The following RIMS1 variants were observed in gnomAD, a reference collection of about 807,000 sequenced individuals.
RIMS1 encodes the protein regulating synaptic membrane exocytosis 1.
RIMS1 carries 83 observed loss-of-function variants against 214.1 expected under a neutral mutation model. The ratio of observed to expected loss-of-function variants is 0.39; its 90% CI spans 0.32 to 0.47. The LOEUF (loss-of-function observed/expected upper bound fraction) is 0.47, where lower values mean the gene tolerates loss of function less well. RIMS1 is among the 20% of genes least tolerant of loss of function. The probability of loss-of-function intolerance (pLI) is 0.99; values close to 1 mark genes in which losing one functional copy is unlikely to be tolerated. For synonymous variants in RIMS1, 793 were observed against 786.8 expected (o/e 1.01, Z -0.13); for missense variants, 2,050 against 2,161.8 (o/e 0.95, Z 1.03).
At chr6:72,393,798 G>A (rs1218149636) in intron 31 of RIMS1, among the ~76,000 whole-genome samples, 3 of 151,918 alleles carry the variant, frequency 2.0e-5, no homozygotes, top group Non-Finnish European at 2.9e-5. Context: ...TATACTGGAA[G>A]CCAGAAGACT....
intron 29 of RIMS1, among the ~76,000 whole-genome samples, chr6:72,342,626 GGTGTGTGT>G (rs113847815): frequency 7.7e-4 from 113 of 145,964 alleles, no homozygotes; most frequent in East Asian, 3.5e-3. Flanking sequence ...GAGTAAGATG[GGTGTGTGT>G]GTGTGTGTGT....
chr6:72,024,011 A>T (rs1815564930), intron 2 of RIMS1, among the ~76,000 whole-genome samples: 1 of 152,088 alleles, frequency 6.6e-6, no homozygotes, highest in Non-Finnish European at 1.5e-5. Flanking sequence ...ATGAGGTGAA[A>T]CTACAAAGCT....
intron 23 of RIMS1, among the ~76,000 whole-genome samples, chr6:72,280,926 T>C (rs985806877): frequency 6.6e-6 from 1 of 152,150 alleles, no homozygotes; most frequent in Non-Finnish European, 1.5e-5. Context: ...TGAGTACTAC[T>C]GAAATATTTA....
chr6:71,973,058 C>T (rs1215448127), intron 2 of RIMS1, among the ~76,000 whole-genome samples: 5 of 152,070 alleles, frequency 3.3e-5, no homozygotes, highest in African/African-American at 4.8e-5. Context: ...TACAGGCATG[C>T]GCCACCACAC....
intron 28 of RIMS1, among the ~76,000 whole-genome samples, chr6:72,318,172 C>T (rs1395168598): frequency 6.6e-6 from 1 of 152,112 alleles, no homozygotes; most frequent in Admixed American, 6.5e-5. Context: ...CACACAATCT[C>T]TATCATTTAA....
chr6:71,951,506 G>C (rs1332877241), intron 1 of RIMS1, among the ~76,000 whole-genome samples: 1 of 106,232 alleles, frequency 9.4e-6, no homozygotes, highest in South Asian at 2.6e-4. Flanking sequence ...GTGTGTGTGT[G>C]TGTGACAGAG....
intron 22 of RIMS1, among the ~76,000 whole-genome samples, chr6:72,269,768 A>T (rs2082157285): frequency 6.6e-6 from 1 of 151,840 alleles, no homozygotes; most frequent in Admixed American, 6.6e-5. Flanking sequence ...GCTCCCATTA[A>T]TTTTCTTAAG....
chr6:71,887,046 G>A lies in RIMS1; in HGVS notation c.23G>A (p.Arg8His), dbSNP rs752886481. The change falls in exon 1 of 34, where the codon CGC (arginine) becomes CAC (histidine). Residue 8 changes from arginine to histidine, a missense_variant. Transcript: ENST00000521978. ...AAAATGTCCTCGGCCGTGGGGCCCCGCGGTCCTCGCCCACCCACGGTGCCT... is the reference window on the plus strand; with the variant it reads ...AAAATGTCCTCGGCCGTGGGGCCCCACGGTCCTCGCCCACCCACGGTGCCT... MSSAVGPRGPRPPTVPPP... is the reference protein window; with the variant it reads MSSAVGPHGPRPPTVPPP... 1 of 1,613,374 alleles carries A rather than the reference G, an allele frequency of 6.2e-7. No individual in the cohort carries two copies. The highest frequency in any genetic ancestry group is 8.5e-7 in the Non-Finnish European group (1 of 1,179,668).
At chr6:72,123,821 C>T (rs2038939681) in intron 4 of RIMS1, among the ~76,000 whole-genome samples, 1 of 151,608 alleles carries the variant, frequency 6.6e-6, no homozygotes, top group South Asian at 2.1e-4. Context: ...TTTCCATTTG[C>T]TTGGTAGATC....
chr6:72,061,057 T>C (rs914575174), intron 2 of RIMS1, among the ~76,000 whole-genome samples: 2 of 152,202 alleles, frequency 1.3e-5, no homozygotes, highest in Non-Finnish European at 2.9e-5. Context: ...AAAATATTGA[T>C]TTTTGTGAGG....
chr6:72,331,120 A>G (rs1193507763), intron 28 of RIMS1, among the ~76,000 whole-genome samples: 1 of 151,734 alleles, frequency 6.6e-6, no homozygotes, highest in African/African-American at 2.4e-5. Flanking sequence ...AAACTTTTGA[A>G]TCTTCCCAGT....
At chr6:72,388,165 G>A (rs917422615) in intron 29 of RIMS1, among the ~76,000 whole-genome samples, 1 of 152,216 alleles carries the variant, frequency 6.6e-6, no homozygotes, top group African/African-American at 2.4e-5. Flanking sequence ...ATGAAGCAGT[G>A]CTGTGAAGAA....
chr6:72,016,187 G>A (rs1812700328), intron 2 of RIMS1, among the ~76,000 whole-genome samples: 1 of 152,068 alleles, frequency 6.6e-6, no homozygotes, highest in Admixed American at 6.6e-5. Context: ...TTTTTTACGT[G>A]TGGCTGGATT....
At chr6:71,934,522 A>T (rs555127144) in intron 1 of RIMS1, among the ~76,000 whole-genome samples, 3 of 152,198 alleles carry the variant, frequency 2.0e-5, no homozygotes, top group Non-Finnish European at 4.4e-5. Flanking sequence ...TTTATACTTA[A>T]CAGTTATCTT....
chr6:72,182,105 T>C (rs1168291924), intron 5 of RIMS1, among the ~76,000 whole-genome samples, 179 bp from the exon 6 acceptor site: 1 of 152,236 alleles, frequency 6.6e-6, no homozygotes, highest in Non-Finnish European at 1.5e-5. Context: ...TAATATGTGT[T>C]CCCATTAGAT....
chr6:72,357,199 C>T (rs750145574), intron 29 of RIMS1, among the ~76,000 whole-genome samples: 2 of 152,152 alleles, frequency 1.3e-5, no homozygotes, highest in South Asian at 4.1e-4. Flanking sequence ...TTCCCATTAA[C>T]CTTGCAGGTT....
chr6:71,920,506 T>C (rs1306842902), intron 1 of RIMS1, among the ~76,000 whole-genome samples: 1 of 152,150 alleles, frequency 6.6e-6, no homozygotes, highest in African/African-American at 2.4e-5. Context: ...CAGTGACAAA[T>C]GTAATTTAGA....
chr6:72,281,755 CA>C (rs1306338063), intron 23 of RIMS1, among the ~76,000 whole-genome samples: 2 of 152,042 alleles, frequency 1.3e-5, no homozygotes, highest in African/African-American at 4.8e-5. Flanking sequence ...GTCACCATTT[CA>C]ATAAGTCCTT....
chr6:72,214,041 C>CTT (rs1350343845), intron 6 of RIMS1, among the ~76,000 whole-genome samples: 3 of 152,026 alleles, frequency 2.0e-5, no homozygotes, highest in Non-Finnish European at 2.9e-5. Context: ...ATTTTTTCTA[C>CTT]TTTTACCTAG....
Sources: gnomAD v4.1 joint callset for allele counts (sites outside exome capture counted in the v4.1 genomes callset) on GRCh38, gnomAD v4.1.1 for gene constraint, MANE v1.5 for transcripts, NCBI Gene and HGNC (gene_info 2026-07-23, HGNC 2026-07-21) for gene names.